Variants in ZNF648 observed in about 807,000 individuals in gnomAD.
The protein encoded by ZNF648 is zinc finger protein 648.
Under a neutral mutation model 0.3 loss-of-function variants are expected in ZNF648, and 1 was observed. The ratio of observed to expected loss-of-function variants is 3.90; its 90% CI spans 1.39 to 18.51. ZNF648 has a LOEUF of 18.51. ZNF648 is among the 30% of genes most tolerant of loss of function. The pLI is 0.11. For synonymous variants in ZNF648, 376 were observed against 326.8 expected, an observed-to-expected ratio of 1.15 and a Z score of -1.62; for missense variants, 874 against 769.7, an observed-to-expected ratio of 1.14 and a Z score of -1.60.
Position 182,056,575 on chromosome 1 carries a change from G to C in ZNF648, c.1436C>G (p.Thr479Arg). 5.6e-6 allele frequency: 9 copies of C among 1,614,066 alleles called. No individual in the cohort carries two copies. The highest frequency in any genetic ancestry group is 1.6e-4 in the Middle Eastern group (1 of 6,062). The change falls in exon 2 of 2, where the codon ACG (threonine) becomes AGG (arginine). Residue 479 changes from threonine (T) to arginine (R), a missense_variant. Physicochemically the swap from Thr to Arg is moderately conservative, Grantham distance 71. Coordinates refer to ENST00000339948, the MANE Select transcript of ZNF648 (RefSeq NM_001009992.1). Reference sequence around the variant, plus strand: ...GCGGGCAAAGGCCTGGCCACACTGCGTGCAAGGAAAGGGCCTCTCGCCAGT... The same window carrying C: ...GCGGGCAAAGGCCTGGCCACACTGCCTGCAAGGAAAGGGCCTCTCGCCAGT... ...IHTGERPFPC[T>R]QCGQAFARSS...
At chr1:182,060,351 T>A (rs1349882978) in intron 1 of ZNF648, among the ~76,000 whole-genome samples, 1 of 152,224 alleles carries the variant, frequency 6.6e-6, no homozygotes, top group Non-Finnish European at 1.5e-5. Flanking sequence ...ATCTTTGTAT[T>A]TGGCTGGTAC....
At position 182,057,859 on chromosome 1, in the gene ZNF648, G is replaced by A. The variant is rs367932097; in HGVS notation, c.152C>T (p.Pro51Leu). Residue 51 changes from proline to leucine, a missense_variant, in exon 2 of 2, where the codon CCG becomes CTG. Pro to Leu is a moderately conservative substitution (Grantham distance 98). Coordinates refer to ENST00000339948, the MANE Select transcript of ZNF648 (RefSeq NM_001009992.1). Reference protein sequence around the residue: ...GEAEKEGTADPVACPRGSSPV... With the variant: ...GEAEKEGTADLVACPRGSSPV... ...GGAGCTGCCCCTTGGACAGGCCACCGGGTCAGCGGTGCCCTCTTTTTCGGC... is the reference window on the plus strand; with the variant it reads ...GGAGCTGCCCCTTGGACAGGCCACCAGGTCAGCGGTGCCCTCTTTTTCGGC... 1.5e-5 allele frequency: 24 copies of A among 1,614,018 alleles called. No individual in the cohort carries two copies. Among genetic ancestry groups the A allele is most frequent in the Non-Finnish European group, 1.9e-5 (23 of 1,180,034 alleles).
upstream of ZNF648, chr1:182,063,342 T>C (rs1037340777): frequency 6.6e-6 from 1 of 152,260 alleles, no homozygotes; most frequent in Admixed American, 6.5e-5. Context: ...CGTTGCTATT[T>C]CTTCGCAACC....
chr1:182,060,793 G>A (rs1413564807), intron 1 of ZNF648, among the ~76,000 whole-genome samples: 4 of 151,838 alleles, frequency 2.6e-5, no homozygotes, highest in South Asian at 2.1e-4. Flanking sequence ...GGACAGCAAA[G>A]GGATGCTGGA....
rs189702053 is a variant in ZNF648, at chr1:182,061,120, G to A, written c.-64+448C>T. 3.3e-5 allele frequency among the ~76,000 whole-genome samples: 5 copies of A among 152,282 alleles called. No individual in the cohort carries two copies. The East Asian group carries it at 9.7e-4, about 29-fold the overall frequency. On this transcript the variant is annotated intron_variant, in intron 1 of 1. Transcript: ENST00000339948. ...GAATATGTCCTGCTTTCTTCCTCCTGTCGCTGCCACACGCATGCTCTCGAC... is the reference window on the plus strand; with the variant it reads ...GAATATGTCCTGCTTTCTTCCTCCTATCGCTGCCACACGCATGCTCTCGAC...
At position 182,056,819 on chromosome 1, in the gene ZNF648, C is replaced by G; in HGVS notation, c.1192G>C (p.Asp398His). ...CGGCTGGCCACAGCGAACTCCCGGTCGCAGGCGGGGCAGCGGAAGGGCTTG... is the reference window on the plus strand; with the variant it reads ...CGGCTGGCCACAGCGAACTCCCGGTGGCAGGCGGGGCAGCGGAAGGGCTTG... ...GAKPFRCPAC[D>H]REFAVASRMV... is the part of the protein sequence containing the mutation. Residue 398 changes from aspartate (D) to histidine (H), a missense_variant, in exon 2 of 2, where the codon GAC becomes CAC. Asp to His is a moderately conservative substitution (Grantham distance 81). Transcript: ENST00000339948. 1 of 1,554,588 alleles carries G rather than the reference C, an allele frequency of 6.4e-7. No homozygotes were observed.
chr1:182,054,868 T>G lies in ZNF648; in HGVS notation c.*1436A>C, dbSNP rs976078128. ...ACAAGACTATCTAGCTATCTAGCTATCTAGCTATCTCTCTTACTTCTCTTT... is the reference window on the plus strand; with the variant it reads ...ACAAGACTATCTAGCTATCTAGCTAGCTAGCTATCTCTCTTACTTCTCTTT... On this transcript the variant is annotated 3_prime_UTR_variant, in exon 2 of 2. Coordinates refer to ENST00000339948, the MANE Select transcript of ZNF648 (RefSeq NM_001009992.1). 4 of 152,214 alleles carry G rather than the reference T, an allele frequency of 2.6e-5. No individual in the cohort carries two copies. The highest frequency in any genetic ancestry group is 4.4e-5 in the Non-Finnish European group (3 of 68,038). The allele number at this position is 152,214 out of a possible 1,614,324, so 9.4% of individuals were successfully genotyped here. A position where few individuals can be genotyped will look rare whatever the true frequency, so the allele number is the denominator to read the frequency against.
At chr1:182,062,980 A>G (rs1234659868), upstream of ZNF648, 1 of 152,106 alleles carries the variant, frequency 6.6e-6, no homozygotes, top group Non-Finnish European at 1.5e-5. Context: ...TTCCTTTGCC[A>G]GTTTGCTGAG....
chr1:182,059,387 G>C (rs1001853685), intron 1 of ZNF648, among the ~76,000 whole-genome samples: 13 of 152,200 alleles, frequency 8.5e-5, no homozygotes, highest in African/African-American at 3.1e-4. Context: ...GATTGGATGA[G>C]TGACAGATTT....
At position 182,057,214 on chromosome 1, in the gene ZNF648, A is replaced by C. The variant is rs1665940525; in HGVS notation, c.797T>G (p.Leu266Arg). Reference protein sequence around the residue: ...GRAFQKPSKPLSPAETRGGAA... With the variant: ...GRAFQKPSKPRSPAETRGGAA... ...GCCGCCGCGCGTCTCCGCGGGGCTCAGCGGCTTGCTGGGCTTCTGAAAGGC... is the reference window on the plus strand; with the variant it reads ...GCCGCCGCGCGTCTCCGCGGGGCTCCGCGGCTTGCTGGGCTTCTGAAAGGC... Residue 266 changes from leucine to arginine, a missense_variant, in exon 2 of 2, where the codon CTG (leucine) becomes CGG (arginine). Coordinates refer to ENST00000339948, the MANE Select transcript of ZNF648 (RefSeq NM_001009992.1). The C allele has an allele frequency of 6.4e-7, 1 of 1,567,926 alleles. No individual in the cohort carries two copies. Among genetic ancestry groups the C allele is most frequent in the East Asian group, 2.3e-5 (1 of 42,832 alleles).
At position 182,057,339 on chromosome 1, in the gene ZNF648, C is replaced by T. The variant is rs370495650; in HGVS notation, c.672G>A (p.Leu224=). The T allele has an allele frequency of 1.2e-6, 2 of 1,609,808 alleles. No individual in the cohort carries two copies. The highest frequency in any genetic ancestry group is 2.7e-5 in the African/African-American group (2 of 74,948). ...ATPASLAAAV[L]AKARNSRKVQ... is the part of the protein sequence containing the mutation. ...CTTTCCTGCTGTTCCGCGCTTTTGC[C>T]AGGACCGCGGCAGCCAGGCTGGCTG... The change falls in exon 2 of 2, where the codon CTG becomes CTA. Residue 224 remains leucine (L), a synonymous_variant. Transcript: ENST00000339948.
Position 182,056,347 on chromosome 1 carries a change from C to T in ZNF648, c.1664G>A (p.Gly555Asp), listed in dbSNP as rs916883918. 1.2e-6 allele frequency: 2 copies of T among 1,613,894 alleles called. No homozygotes were observed. The highest frequency in any genetic ancestry group is 2.7e-5 in the African/African-American group (2 of 75,050). The change falls in exon 2 of 2, where the codon GGC becomes GAC. Residue 555 changes from glycine (G) to aspartate (D), a missense_variant. Physicochemically the swap from Gly to Asp is moderately conservative, Grantham distance 94 (BLOSUM62 -1). Transcript: ENST00000339948. ...NHLQRHRAKHGTCKKEPIPSS... is the reference protein window; with the variant it reads ...NHLQRHRAKHDTCKKEPIPSS... ...AGGGATGGGCTCCTTCTTGCAGGTG[C>T]CGTGCTTGGCTCGGTGTCGTTGGAG...
chr1:182,060,400 T>C (rs1406196913), intron 1 of ZNF648, among the ~76,000 whole-genome samples: 1 of 152,252 alleles, frequency 6.6e-6, no homozygotes, highest in Non-Finnish European at 1.5e-5. Flanking sequence ...TGTTCTTCCC[T>C]GGTTTCTGCC....
rs1666032171 is a variant in ZNF648, at chr1:182,061,588, T to C, written c.-84A>G. The C allele has an allele frequency of 6.6e-6, 1 of 152,494 alleles. No individual in the cohort carries two copies. The highest frequency in any genetic ancestry group is 2.4e-5 in the African/African-American group (1 of 41,472). 9.4% of individuals were successfully genotyped at this position (152,494 alleles called of 1,614,324 possible). On this transcript the variant is annotated 5_prime_UTR_variant, in exon 1 of 2. Transcript: ENST00000339948. ...CTTACCTGGGAAATGCAGACAGCAG[T>C]GTGGGGCCTCTGCCCTGGCTTCTGT...
chr1:182,065,597 C>T (rs1271369362), upstream of ZNF648, among the ~76,000 whole-genome samples: 1 of 152,182 alleles, frequency 6.6e-6, no homozygotes, highest in African/African-American at 2.4e-5. Flanking sequence ...TGGGATAGTC[C>T]ACCTAGTGGT....
chr1:182,062,309 T>C (rs933328506), upstream of ZNF648, among the ~76,000 whole-genome samples: 2 of 152,172 alleles, frequency 1.3e-5, no homozygotes, highest in Non-Finnish European at 2.9e-5. Context: ...AAGAGAAGGA[T>C]TGGCCCAAGG....
At chr1:182,067,062 C>T in the ZNF648 span, among the ~76,000 whole-genome samples, 333 of 152,246 alleles carry the variant, frequency 2.2e-3, 10 homozygotes, top group East Asian at 0.058. Context: ...ACTTGGCACA[C>T]GTGGCAATCA....
At position 182,057,263 on chromosome 1, in the gene ZNF648, A is replaced by G; in HGVS notation, c.748T>C (p.Tyr250His). The G allele has an allele frequency of 1.9e-6, 3 of 1,585,874 alleles. No individual in the cohort carries two copies. Among genetic ancestry groups the G allele is most frequent in the Non-Finnish European group, 2.6e-6 (3 of 1,172,146 alleles). ...GCCCGCCCGCCCCGCAGGCACCTGT[A>G]GGGACGCGCCTCAGCCTCTCCGCCC... is the stretch of plus-strand genomic sequence containing the variant. ...REGGEAEARPYRCLRGGRAFQ... is the reference protein window; with the variant it reads ...REGGEAEARPHRCLRGGRAFQ... Residue 250 changes from tyrosine (Y) to histidine (H), a missense_variant, in exon 2 of 2, where the codon TAC (tyrosine) becomes CAC (histidine). Coordinates refer to ENST00000339948, the MANE Select transcript of ZNF648 (RefSeq NM_001009992.1).
Position 182,056,917 on chromosome 1 carries a change from G to C in ZNF648, c.1094C>G (p.Pro365Arg), listed in dbSNP as rs115402112. 0.016 allele frequency: 25,088 copies of C among 1,604,214 alleles called. 242 individuals are homozygous for C. The highest frequency in any genetic ancestry group is 0.017 in the Non-Finnish European group (20,573 of 1,175,688). Residue 365 changes from proline (P) to arginine (R), a missense_variant, in exon 2 of 2, where the codon CCG becomes CGG. Physicochemically the swap from Pro to Arg is moderately radical, Grantham distance 103 (BLOSUM62 -2). Transcript: ENST00000339948. ...GAAGGTCAGGCCGCACTCGGAGCAC[G>C]GGAAGGGCTTATTGTTGCTGTGCAT... ...RNMHSNNKPF[P>R]CSECGLTFNK...
Sources: allele counts gnomAD v4.1 joint callset (sites outside exome capture counted in the v4.1 genomes callset), GRCh38; gene constraint gnomAD v4.1.1; transcripts MANE v1.5; gene names NCBI Gene and HGNC (gene_info 2026-07-23, HGNC 2026-07-21).